Variants in DLG2 observed in about 807,000 individuals in gnomAD.
DLG2 encodes the protein disks large homolog 2.
In DLG2, 45 loss-of-function variants were observed where a neutral mutation model predicts 132.5. The observed-to-expected ratio is 0.34, with a 90% CI of 0.27 to 0.44. DLG2 has a LOEUF of 0.44. Among genes scored for constraint, DLG2 ranks in the 20% least tolerant of loss-of-function variants. The pLI, the probability that DLG2 is intolerant of heterozygous loss-of-function variation, is 1.00. For missense variants in DLG2, 1,045 were observed against 1,196.9 expected, an observed-to-expected ratio of 0.87 and a Z score of 1.87; for synonymous variants, 424 against 419.6, an observed-to-expected ratio of 1.01 and a Z score of -0.13.
chr11:85,057,372 T>C (rs1474860520), intron 6 of DLG2, among the ~76,000 whole-genome samples: 1 of 151,604 alleles, frequency 6.6e-6, no homozygotes, highest in Non-Finnish European at 1.5e-5. Flanking sequence ...TCACTTCAGA[T>C]CTTACCAAAG....
chr11:85,213,617 C>T (rs144119551), intron 4 of DLG2, among the ~76,000 whole-genome samples: 63 of 152,264 alleles, frequency 4.1e-4, no homozygotes, highest in African/African-American at 1.5e-3. Flanking sequence ...TCTTATCAGA[C>T]TTAGTCTATT....
rs1248486704 is a variant in DLG2 at position 84,861,640 on chromosome 11, C to CAAA, written c.357+250018_357+250020dup. ...CAGCAAAAAAAAAAAAAAAAAAAAA[C>CAAA]AAAAAAAAAAACCTATCAGAGGGAA... On this transcript the variant is annotated intron_variant, in intron 6 of 27. Transcript: ENST00000376104. Among the ~76,000 whole-genome samples, 62 of 75,650 alleles carry CAAA rather than the reference C, an allele frequency of 8.2e-4. 1 individual carries two copies. The highest frequency in any genetic ancestry group is 5.0e-3 in the East Asian group (15 of 3,018). 49.6% of individuals were successfully genotyped at this position (75,650 alleles called of 152,430 possible). A position where few individuals can be genotyped will look rare whatever the true frequency, so the allele number is the denominator to read the frequency against.
In DLG2 at chr11:84,366,348, G is replaced by A. The variant is rs565779195; in HGVS notation, c.520-115057C>T. Among the ~76,000 whole-genome samples the A allele has an allele frequency of 6.7e-3, 1,020 of 151,768 alleles. 10 individuals are homozygous for A. Among genetic ancestry groups the A allele is most frequent in the African/African-American group, 0.022 (929 of 41,386 alleles). On this transcript the variant is annotated intron_variant, in intron 7 of 27. Transcript: ENST00000376104. ...TGGAAAGGAACAACTGGTACCAGCC[G>A]CTGCAAAATCATGCCAAAATGTAAA... is the stretch of plus-strand genomic sequence containing the variant.
chr11:83,947,932 ATG>A (rs2084467266), intron 14 of DLG2, among the ~76,000 whole-genome samples: 1 of 152,184 alleles, frequency 6.6e-6, no homozygotes, highest in South Asian at 2.1e-4. Flanking sequence ...AACAGATATA[ATG>A]GCATCTCTCC....
At chr11:85,223,140 A>G (rs573828935) in intron 4 of DLG2, among the ~76,000 whole-genome samples, 7 of 152,326 alleles carry the variant, frequency 4.6e-5, no homozygotes, top group East Asian at 1.9e-4. Flanking sequence ...GGAATTTATT[A>G]CCTATAAGGT....
intron 6 of DLG2, among the ~76,000 whole-genome samples, chr11:84,687,778 A>G (rs1444490593): frequency 6.6e-6 from 1 of 152,208 alleles, no homozygotes; most frequent in Non-Finnish European, 1.5e-5. Flanking sequence ...CAAGTCATAC[A>G]TATACACATT....
chr11:84,315,921 G>A (rs941248924), intron 7 of DLG2, among the ~76,000 whole-genome samples: 2 of 152,042 alleles, frequency 1.3e-5, no homozygotes, highest in Non-Finnish European at 2.9e-5. Flanking sequence ...TATTAAAATT[G>A]AGATTGAATT....
At chr11:85,205,673 T>C (rs577304208) in intron 4 of DLG2, among the ~76,000 whole-genome samples, 2 of 152,344 alleles carry the variant, frequency 1.3e-5, no homozygotes, top group South Asian at 4.1e-4. Flanking sequence ...ACAACTATTA[T>C]GTATCAATTT....
intron 15 of DLG2, among the ~76,000 whole-genome samples, chr11:83,898,200 C>T (rs1452249827): frequency 2.0e-5 from 3 of 152,006 alleles, no homozygotes; most frequent in Non-Finnish European, 4.4e-5. Flanking sequence ...ATAAACTAAA[C>T]ATAAATATAT....
intron 6 of DLG2, among the ~76,000 whole-genome samples, chr11:85,088,695 G>T (rs538150239): frequency 1.3e-5 from 2 of 152,188 alleles, no homozygotes; most frequent in African/African-American, 2.4e-5. Context: ...TCCCAGTATG[G>T]AATGTCTAAT....
chr11:84,685,317 T>C (rs2099737168), intron 6 of DLG2, among the ~76,000 whole-genome samples: 2 of 152,196 alleles, frequency 1.3e-5, no homozygotes, highest in African/African-American at 4.8e-5. Flanking sequence ...AGTCAACAAA[T>C]CTTTGATGAG....
intron 10 of DLG2, among the ~76,000 whole-genome samples, chr11:84,074,986 C>T (rs2096807629): frequency 6.6e-6 from 1 of 152,184 alleles, no homozygotes; most frequent in African/African-American, 2.4e-5. Flanking sequence ...TCTTCTACCA[C>T]TGTCCCCTAG....
chr11:84,961,432 G>A (rs1375185330), intron 6 of DLG2, among the ~76,000 whole-genome samples: 1 of 151,596 alleles, frequency 6.6e-6, no homozygotes. Flanking sequence ...CTACATACAG[G>A]CCCAACCTTT....
chr11:85,376,152 T>C (rs2085386700), intron 3 of DLG2, among the ~76,000 whole-genome samples: 1 of 152,048 alleles, frequency 6.6e-6, no homozygotes, highest in Non-Finnish European at 1.5e-5. Context: ...TACAATCCAG[T>C]AGAAGATATG....
chr11:84,581,681 G>C (rs1330555640), intron 6 of DLG2, among the ~76,000 whole-genome samples: 2 of 152,028 alleles, frequency 1.3e-5, no homozygotes, highest in East Asian at 3.9e-4. Context: ...GGCCGAGGTG[G>C]GCGGATCACA....
chr11:84,599,317 G>A (rs2099570533), intron 6 of DLG2, among the ~76,000 whole-genome samples: 1 of 152,152 alleles, frequency 6.6e-6, no homozygotes, highest in South Asian at 2.1e-4. Context: ...GAGGGACTAT[G>A]AAAACTGTGT....
At chr11:84,043,617 T>G (rs1195896946) in intron 11 of DLG2, among the ~76,000 whole-genome samples, 6 of 151,802 alleles carry the variant, frequency 4.0e-5, no homozygotes, top group Admixed American at 6.6e-5. Context: ...ACTAAATCAA[T>G]ACTCCTTGGG....
chr11:84,970,726 T>C (rs2053988742), intron 6 of DLG2, among the ~76,000 whole-genome samples: 1 of 152,214 alleles, frequency 6.6e-6, no homozygotes, highest in Non-Finnish European at 1.5e-5. Context: ...GGTACTGACA[T>C]TGAGAAACAC....
intron 3 of DLG2, among the ~76,000 whole-genome samples, chr11:85,353,504 T>C (rs923804482): frequency 6.6e-6 from 1 of 152,154 alleles, no homozygotes. Flanking sequence ...AACCAAAGGA[T>C]TATAAATCAT....
Sources: gnomAD v4.1 joint callset for allele counts (sites outside exome capture counted in the v4.1 genomes callset) on GRCh38, gnomAD v4.1.1 for gene constraint, MANE v1.5 for transcripts, NCBI Gene and HGNC (gene_info 2026-07-23, HGNC 2026-07-21) for gene names.